Variants in ARPC2 observed in about 807,000 individuals in gnomAD.
ARPC2 encodes actin related protein 2/3 complex subunit 2, also known as actin-related protein 2/3 complex subunit 2.
Under a neutral mutation model 38.6 loss-of-function variants are expected in ARPC2, and 4 were observed. The ratio of observed to expected loss-of-function variants is 0.10; its 90% CI spans 0.05 to 0.24. ARPC2 has a LOEUF of 0.24. ARPC2 is among the 10% of genes least tolerant of loss of function. The probability of loss-of-function intolerance (pLI) is 1.00; values close to 1 mark genes in which losing one functional copy is unlikely to be tolerated. For synonymous variants in ARPC2, 125 were observed against 140.8 expected, an observed-to-expected ratio of 0.89 and a Z score of 0.79; for missense variants, 229 against 387.3, an observed-to-expected ratio of 0.59 and a Z score of 3.43.
chr2:218,228,278 C>G (rs1385922060), intron 3 of ARPC2, among the ~76,000 whole-genome samples: 1 of 152,018 alleles, frequency 6.6e-6, no homozygotes, highest in Non-Finnish European at 1.5e-5. Flanking sequence ...TGGCACATGC[C>G]TGTAGTCCCA....
At chr2:218,251,088 G>A (rs1025764561) in intron 10 of ARPC2, among the ~76,000 whole-genome samples, 35 of 152,006 alleles carry the variant, frequency 2.3e-4, no homozygotes, top group African/African-American at 8.0e-4. Flanking sequence ...CACCCACCTC[G>A]GCCTCCCATC....
intron 5 of ARPC2, chr2:218,235,722 C>T (rs1052432324): frequency 6.6e-6 from 1 of 152,236 alleles, no homozygotes; most frequent in Non-Finnish European, 1.5e-5. Flanking sequence ...CCTTCTACCT[C>T]CCACTAAATC....
rs1690008340 is a variant in ARPC2, at chr2:218,245,407, T to A, written c.550-13T>A. 1 of 1,613,828 alleles carries A rather than the reference T, an allele frequency of 6.2e-7. No individual in the cohort carries two copies. The highest frequency in any genetic ancestry group is 2.2e-5 in the East Asian group (1 of 44,896). On this transcript the variant is annotated splice_polypyrimidine_tract_variant and intron_variant, in intron 7 of 10. Coordinates refer to ENST00000315717, the MANE Select transcript of ARPC2 (RefSeq NM_152862.3). ...CCACTTCTCTTCTGGTTGCTTTTGCTTTGTCTTGGCAGGAGTTCAAAGAAG... is the reference window on the plus strand; with the variant it reads ...CCACTTCTCTTCTGGTTGCTTTTGCATTGTCTTGGCAGGAGTTCAAAGAAG...
At chr2:218,231,288 A>C (rs1299704069) in intron 4 of ARPC2, among the ~76,000 whole-genome samples, 1 of 152,226 alleles carries the variant, frequency 6.6e-6, no homozygotes, top group Non-Finnish European at 1.5e-5. Flanking sequence ...AAGTGAAGTG[A>C]CAAGGAAGTG....
intron 3 of ARPC2, among the ~76,000 whole-genome samples, 195 bp downstream of exon 3, chr2:218,226,149 C>T (rs956549081): frequency 6.6e-5 from 10 of 151,718 alleles, no homozygotes; most frequent in African/African-American, 1.7e-4. Flanking sequence ...AAAAATTAGC[C>T]GGGCATGGTG....
At chr2:218,234,148 A>ATT (rs1287516159) in intron 4 of ARPC2, 1 of 483,308 alleles carries the variant, frequency 2.1e-6, no homozygotes, top group Admixed American at 3.9e-5. Flanking sequence ...TGTCCCAGGC[A>ATT]TAAAAAGATA....
At chr2:218,250,931 G>A (rs914763019) in intron 10 of ARPC2, among the ~76,000 whole-genome samples, 3 of 151,158 alleles carry the variant, frequency 2.0e-5, no homozygotes, top group East Asian at 2.0e-4. Context: ...GCAGTGGCGC[G>A]ATCTCAGCTC....
At chr2:218,243,823 G>A (rs1241070114) in intron 7 of ARPC2, among the ~76,000 whole-genome samples, 2 of 152,136 alleles carry the variant, frequency 1.3e-5, no homozygotes, top group Admixed American at 6.5e-5. Flanking sequence ...ATCGTTGACC[G>A]AGCCTTAAAT....
intron 2 of ARPC2, among the ~76,000 whole-genome samples, chr2:218,218,219 A>T (rs1574571880): frequency 6.6e-6 from 1 of 152,294 alleles, no homozygotes; most frequent in East Asian, 1.9e-4. Context: ...TTGAGGTTCT[A>T]ATGCTCTCTC....
At chr2:218,231,083 G>A (rs1689622979) in intron 4 of ARPC2, among the ~76,000 whole-genome samples, 1 of 152,094 alleles carries the variant, frequency 6.6e-6, no homozygotes, top group Non-Finnish European at 1.5e-5. Context: ...GGCTCCCTGG[G>A]TTGGTTAAAC....
In ARPC2 at chr2:218,253,983, G is replaced by C; in HGVS notation, c.*68G>C. The C allele has an allele frequency of 6.3e-7, 1 of 1,598,536 alleles. No homozygotes were observed. The highest frequency in any genetic ancestry group is 8.6e-7 in the Non-Finnish European group (1 of 1,167,184). ...GAACACTTGCTACTGGATAATCGTA[G>C]CTTTTAATGTTGCGCCTCTTCAGGT... On this transcript the variant is annotated 3_prime_UTR_variant, in exon 11 of 11. Transcript: ENST00000315717.
intron 10 of ARPC2, among the ~76,000 whole-genome samples, chr2:218,252,394 G>T (rs758105669): frequency 4.3e-4 from 65 of 152,210 alleles, no homozygotes; most frequent in Non-Finnish European, 7.3e-4. Flanking sequence ...CAAGGTGGGT[G>T]GGCAGGTGAG....
chr2:218,249,296 G>C (rs1352273452), intron 8 of ARPC2, 68 bp from the exon 9 acceptor site: 2 of 1,101,728 alleles, frequency 1.8e-6, no homozygotes, highest in East Asian at 2.4e-5. Flanking sequence ...TCACTAGGCT[G>C]TTGTTCTTCC....
chr2:218,218,112 C>T (rs1689298689), intron 2 of ARPC2, among the ~76,000 whole-genome samples: 2 of 152,194 alleles, frequency 1.3e-5, no homozygotes, highest in African/African-American at 2.4e-5. Flanking sequence ...GTTTCCCTTC[C>T]CCGAACCCTT....
Position 218,217,527 on chromosome 2 carries a change from C to T in ARPC2, c.57C>T (p.Phe19=). The T allele has an allele frequency of 1.2e-6, 2 of 1,613,250 alleles. No individual in the cohort carries two copies. Among genetic ancestry groups the T allele is most frequent in the Non-Finnish European group, 1.7e-6 (2 of 1,179,660 alleles). ...RIIEETLALK[F]ENAAAGNKPE... is the part of the protein sequence containing the mutation. ...TCGAGGAGACGCTCGCGCTCAAGTT[C>T]GAGAACGCGGCCGCCGGGTGAGCGC... Residue 19 remains phenylalanine, a synonymous_variant, in exon 2 of 11, where the codon TTC becomes TTT. Transcript: ENST00000315717.
intron 10 of ARPC2, chr2:218,252,842 G>A (rs769189140): frequency 2.0e-5 from 9 of 454,834 alleles, no homozygotes; most frequent in Non-Finnish European, 2.6e-5. Context: ...CCCTGTCCTG[G>A]TGAGAGACCC....
At position 218,217,617 on chromosome 2, in the gene ARPC2, G is replaced by C. The variant is rs1330628494; in HGVS notation, c.74+73G>C. ...CCCAGCTAATCCCCAATGTTGTCCAGTCCCCCAGACCTGGAGGAGAGAAAT... is the reference window on the plus strand; with the variant it reads ...CCCAGCTAATCCCCAATGTTGTCCACTCCCCCAGACCTGGAGGAGAGAAAT... On this transcript the variant is annotated intron_variant, in intron 2 of 10. Coordinates refer to ENST00000315717, the MANE Select transcript of ARPC2 (RefSeq NM_152862.3). The C allele has an allele frequency of 3.5e-6, 5 of 1,438,116 alleles. No homozygotes were observed. In the African/African-American group the frequency reaches 5.6e-5, roughly 16 times the overall value. The allele number at this position is 1,438,116 out of a possible 1,614,324, so 89.1% of individuals were successfully genotyped here.
At chr2:218,249,002 G>A (rs1690114892) in intron 8 of ARPC2, among the ~76,000 whole-genome samples, 1 of 152,236 alleles carries the variant, frequency 6.6e-6, no homozygotes, top group South Asian at 2.1e-4. Context: ...AAAGTAAACT[G>A]TTACAGCCAG....
intron 5 of ARPC2, chr2:218,235,599 TAAAAG>T (rs1439203847): frequency 2.0e-5 from 3 of 151,930 alleles, no homozygotes; most frequent in Admixed American, 1.3e-4. Context: ...ATCAAGGTAT[TAAAAG>T]AAAGAAACAA....
Sources: gnomAD v4.1 joint callset for allele counts (sites outside exome capture counted in the v4.1 genomes callset) on GRCh38, gnomAD v4.1.1 for gene constraint, MANE v1.5 for transcripts, NCBI Gene and HGNC (gene_info 2026-07-23, HGNC 2026-07-21) for gene names.